The following FGGY variants were observed in gnomAD, a reference collection of about 807,000 sequenced individuals.
FGGY encodes FGGY carbohydrate kinase domain-containing protein.
In FGGY, 72 loss-of-function variants were observed where a neutral mutation model predicts 71.3. The observed-to-expected ratio is 1.01, with a 90% CI of 0.84 to 1.23. The LOEUF is 1.23. Ranked by LOEUF, FGGY falls within the 50% of genes most tolerant of loss-of-function variation. The probability of loss-of-function intolerance (pLI) is 0.00; values close to 1 mark genes in which losing one functional copy is unlikely to be tolerated. For synonymous variants in FGGY, 251 were observed against 250.3 expected (o/e 1.00, Z -0.02); for missense variants, 668 against 682.3 (o/e 0.98, Z 0.23).
At chr1:59,629,842 G>A (rs1217707709) in intron 10 of FGGY, among the ~76,000 whole-genome samples, 2 of 152,056 alleles carry the variant, frequency 1.3e-5, no homozygotes, top group Admixed American at 6.6e-5. Context: ...ACACCTCTAA[G>A]GATTTATTTT....
chr1:59,349,879 G>A (rs551348922), intron 4 of FGGY, among the ~76,000 whole-genome samples: 1 of 152,278 alleles, frequency 6.6e-6, no homozygotes, highest in South Asian at 2.1e-4. Context: ...CTTTGGGATA[G>A]GGACTGAAAA....
At chr1:59,472,648 A>G (rs111535175) in intron 6 of FGGY, among the ~76,000 whole-genome samples, 4,017 of 152,340 alleles carry the variant, frequency 0.026, 68 homozygotes, top group African/African-American at 0.033. Flanking sequence ...AAACACACCA[A>G]TCGGCACCCT....
intron 5 of FGGY, among the ~76,000 whole-genome samples, chr1:59,441,927 C>A (rs1401033380): frequency 6.6e-6 from 1 of 152,160 alleles, no homozygotes; most frequent in Admixed American, 6.5e-5. Context: ...TCCTCTACAA[C>A]CTTTGTCCAC....
At chr1:59,607,078 T>G (rs2096631014) in intron 8 of FGGY, among the ~76,000 whole-genome samples, 1 of 152,224 alleles carries the variant, frequency 6.6e-6, no homozygotes, top group African/African-American at 2.4e-5. Flanking sequence ...ATAGAAAACC[T>G]TAGTGACAAA....
intron 11 of FGGY, among the ~76,000 whole-genome samples, chr1:59,651,981 G>C (rs2097167073): frequency 6.6e-6 from 1 of 150,932 alleles, no homozygotes; most frequent in African/African-American, 2.4e-5. Context: ...TTGCTTGTCT[G>C]TAAAGTATTT....
chr1:59,599,015 A>C (rs1371124064), intron 8 of FGGY, among the ~76,000 whole-genome samples: 1 of 152,256 alleles, frequency 6.6e-6, no homozygotes, highest in African/African-American at 2.4e-5. Context: ...AGGAGTACCT[A>C]ACCCAGCATT....
At chr1:59,741,550 T>C (rs2098147398) in intron 14 of FGGY, among the ~76,000 whole-genome samples, 1 of 152,180 alleles carries the variant, frequency 6.6e-6, no homozygotes, top group South Asian at 2.1e-4. Context: ...TATTTCTTTA[T>C]AGCAGTGCGA....
intron 14 of FGGY, among the ~76,000 whole-genome samples, chr1:59,724,262 A>AG (rs2097921117): frequency 6.6e-6 from 1 of 151,162 alleles, no homozygotes; most frequent in South Asian, 2.1e-4. Context: ...GCAGATCACG[A>AG]GGTCAGGAGA....
intron 8 of FGGY, among the ~76,000 whole-genome samples, chr1:59,587,747 G>T (rs1333490616): frequency 1.3e-5 from 2 of 152,150 alleles, no homozygotes; most frequent in Admixed American, 6.5e-5. Context: ...CTGTCTGTTA[G>T]AAGGAAAACT....
intron 4 of FGGY, among the ~76,000 whole-genome samples, chr1:59,349,940 T>C (rs915142797): frequency 6.7e-6 from 1 of 149,828 alleles, no homozygotes; most frequent in Non-Finnish European, 1.5e-5. Flanking sequence ...CTAATATTAG[T>C]GGCCTGGGAA....
chr1:59,687,828 A>G (rs2097557445), intron 14 of FGGY, among the ~76,000 whole-genome samples: 1 of 152,034 alleles, frequency 6.6e-6, no homozygotes, highest in African/African-American at 2.4e-5. Context: ...TCTTTGGGCT[A>G]CCTAGCTAAC....
chr1:59,357,075 AGGGCATGTGT>A (rs2054472262), intron 4 of FGGY, among the ~76,000 whole-genome samples: 2 of 152,196 alleles, frequency 1.3e-5, no homozygotes, highest in Admixed American at 1.3e-4. Context: ...AGCTGCTGTT[AGGGCATGTGT>A]TGTGGATTTT....
intron 6 of FGGY, among the ~76,000 whole-genome samples, chr1:59,499,610 G>GA (rs1286599316): frequency 2.0e-5 from 3 of 150,928 alleles, no homozygotes; most frequent in African/African-American, 4.9e-5. Flanking sequence ...ATTTCATTTG[G>GA]AAAAAAAAAG....
At chr1:59,394,007 G>A (rs1002735041) in intron 5 of FGGY, among the ~76,000 whole-genome samples, 2 of 152,166 alleles carry the variant, frequency 1.3e-5, no homozygotes, top group Non-Finnish European at 1.5e-5. Flanking sequence ...TATTTTAAAT[G>A]TAGTTCAGTG....
At chr1:59,717,624 G>A (rs986522350) in intron 14 of FGGY, among the ~76,000 whole-genome samples, 1 of 152,184 alleles carries the variant, frequency 6.6e-6, no homozygotes, top group Admixed American at 6.5e-5. Flanking sequence ...AGGCACACAT[G>A]TAGATTGAGA....
chr1:59,681,906 G>A (rs1358480120), intron 14 of FGGY, among the ~76,000 whole-genome samples: 2 of 152,078 alleles, frequency 1.3e-5, no homozygotes, highest in African/African-American at 2.4e-5. Context: ...GCAGCATTTA[G>A]GCAGATGATC....
At chr1:59,478,051 A>G (rs923400381) in intron 6 of FGGY, among the ~76,000 whole-genome samples, 10 of 152,192 alleles carry the variant, frequency 6.6e-5, no homozygotes, top group Non-Finnish European at 1.0e-4. Context: ...TGTGACCAGT[A>G]TCAAACAAGT....
chr1:59,648,741 C>A (rs932578054), intron 11 of FGGY, among the ~76,000 whole-genome samples: 7 of 151,440 alleles, frequency 4.6e-5, no homozygotes, highest in Admixed American at 3.3e-4. Flanking sequence ...TGTGCAGAAG[C>A]TCTTTAGTTT....
intron 6 of FGGY, among the ~76,000 whole-genome samples, chr1:59,503,965 T>C (rs766807809): frequency 2.0e-5 from 3 of 152,022 alleles, no homozygotes; most frequent in Non-Finnish European, 2.9e-5. Context: ...TCCTGCCCCA[T>C]AGCCTAGTGG....
Sources: gnomAD v4.1 joint callset for allele counts (sites outside exome capture counted in the v4.1 genomes callset) on GRCh38, gnomAD v4.1.1 for gene constraint, MANE v1.5 for transcripts, NCBI Gene and HGNC (gene_info 2026-07-23, HGNC 2026-07-21) for gene names.